The following SNPH variants were observed in gnomAD, a reference collection of about 807,000 sequenced individuals.
SNPH encodes the protein syntaphilin.
SNPH carries 10 observed loss-of-function variants against 36.8 expected under a neutral mutation model. That is an observed-to-expected ratio of 0.27 (90% CI 0.17 to 0.46). The LOEUF (loss-of-function observed/expected upper bound fraction) is 0.46. Among genes scored for constraint, SNPH ranks in the 20% least tolerant of loss-of-function variants. The pLI, the probability that SNPH is intolerant of heterozygous loss-of-function variation, is 1.00. For missense variants in SNPH, 622 were observed against 744.0 expected (o/e 0.84, Z 1.91); for synonymous variants, 281 against 312.2 (o/e 0.90, Z 1.05).
chr20:1,290,040 A>G (rs1047265936), intron 2 of SNPH, among the ~76,000 whole-genome samples: 1 of 151,938 alleles, frequency 6.6e-6, no homozygotes, highest in Non-Finnish European at 1.5e-5. Context: ...GAGAAACCCC[A>G]TCTCTACTAA....
intron 6 of SNPH, among the ~76,000 whole-genome samples, chr20:1,301,405 G>C (rs1490316085): frequency 6.6e-6 from 1 of 152,166 alleles, no homozygotes; most frequent in Admixed American, 6.5e-5. Context: ...TCTCGGGACT[G>C]TGTCTATGCA....
chr20:1,300,840 T>G, intron 6 of SNPH, 129 bp downstream of exon 6: 1 of 939,928 alleles, frequency 1.1e-6, no homozygotes. Context: ...TGCTCTCTCC[T>G]TCCCAGCAAA....
intron 5 of SNPH, 51 bp downstream of exon 5, chr20:1,297,303 G>T: frequency 1.3e-6 from 2 of 1,567,098 alleles, no homozygotes; most frequent in Non-Finnish European, 8.7e-7. Flanking sequence ...GGAACAGGTT[G>T]TCCTGGGGTG....
At chr20:1,272,076 C>A (rs1053665016) in intron 2 of SNPH, among the ~76,000 whole-genome samples, 5 of 152,168 alleles carry the variant, frequency 3.3e-5, no homozygotes, top group African/African-American at 1.2e-4. Flanking sequence ...AGTAAGAAGG[C>A]CATGTTATCA....
Position 1,308,012 on chromosome 20 carries a change from C to T in SNPH, c.*1958C>T, listed in dbSNP as rs549868460. The T allele has an allele frequency of 6.5e-6, 1 of 152,794 alleles. No homozygotes were observed. Among genetic ancestry groups the T allele is most frequent in the South Asian group, 2.1e-4 (1 of 4,830 alleles). The allele number at this position is 152,794 out of a possible 1,614,324, so 9.5% of individuals were successfully genotyped here. On this transcript the variant is annotated 3_prime_UTR_variant, in exon 7 of 7. Transcript: ENST00000381867. ...TCCTCAGACATAGTCAAAGCTTTGC[C>T]GAGAAAAGAAATGTATGAACTATAT...
intron 2 of SNPH, among the ~76,000 whole-genome samples, chr20:1,281,965 G>A (rs2088230247): frequency 6.6e-6 from 1 of 152,254 alleles, no homozygotes; most frequent in Non-Finnish European, 1.5e-5. Context: ...GGCAGAGGGT[G>A]GAGGGTGGAG....
rs2088539789 is a variant in SNPH at position 1,304,303 on chromosome 20, G to A, written c.441-575G>A. Among the ~76,000 whole-genome samples the A allele has an allele frequency of 6.6e-6, 1 of 151,978 alleles. No individual in the cohort carries two copies. Among genetic ancestry groups the A allele is most frequent in the Admixed American group, 6.6e-5 (1 of 15,256 alleles). The stretch of plus-strand genomic sequence containing the variant: ...ACCACTTCTCATCGCTCTGCATGAG[G>A]GATGATGTAAAATCATCAGCCTCCC... On this transcript the variant is annotated intron_variant, in intron 6 of 6. Coordinates refer to ENST00000381867, the MANE Select transcript of SNPH (RefSeq NM_001318234.2). The surrounding 1 kb of genome is among the most constrained non-coding windows in gnomAD (Gnocchi z 4.3).
Position 1,305,962 on chromosome 20 carries a change from T to C in SNPH, c.1525T>C (p.Cys509Arg). Reference sequence around the variant, plus strand: ...CATCAGCTCCCTGCTGCGGGGCTGCTGCACTGTGGCCTTGCACTCCATCCG... The same window carrying C: ...CATCAGCTCCCTGCTGCGGGGCTGCCGCACTGTGGCCTTGCACTCCATCCG... The part of the protein sequence containing the change: ...YNISSLLRGC[C>R]TVALHSIRRI... Residue 509 changes from cysteine to arginine, a missense_variant, in exon 7 of 7, where the codon TGC becomes CGC. This residue lies in a region of SNPH where 379 missense variants were observed against 427.9 expected (regional missense o/e 0.89). Transcript: ENST00000381867. The C allele has an allele frequency of 6.4e-7, 1 of 1,563,844 alleles. No individual in the cohort carries two copies. The highest frequency in any genetic ancestry group is 8.7e-7 in the Non-Finnish European group (1 of 1,155,150).
rs1396880969 is a variant in SNPH at position 1,307,062 on chromosome 20, GC to G, written c.*1011del. ...CCCCGAGTTTCTCTGGGGCCCTCGG[GC>G]CCAACTTCTGCTTTGCACTATGTTC... On this transcript the variant is annotated 3_prime_UTR_variant, in exon 7 of 7. Transcript: ENST00000381867. 1.3e-5 allele frequency: 2 copies of G among 152,676 alleles called. No individual in the cohort carries two copies. The highest frequency in any genetic ancestry group is 2.9e-5 in the Non-Finnish European group (2 of 68,078). The allele number at this position is 152,676 out of a possible 1,614,324, so 9.5% of individuals were successfully genotyped here. A position where few individuals can be genotyped will look rare whatever the true frequency, so the allele number is the denominator to read the frequency against.
intron 2 of SNPH, among the ~76,000 whole-genome samples, chr20:1,281,462 C>T (rs1381098692): frequency 6.6e-6 from 1 of 152,190 alleles, no homozygotes; most frequent in African/African-American, 2.4e-5. Context: ...TTTCTGTAAG[C>T]TCAAAAGGCT....
intron 2 of SNPH, among the ~76,000 whole-genome samples, chr20:1,271,711 CA>C (rs1274492562): frequency 6.6e-6 from 1 of 152,192 alleles, no homozygotes; most frequent in Non-Finnish European, 1.5e-5. Context: ...AAGGCATGAA[CA>C]AATGCTTTGT....
At chr20:1,298,099 A>G (rs375929202) in intron 5 of SNPH, among the ~76,000 whole-genome samples, 1 of 152,352 alleles carries the variant, frequency 6.6e-6, no homozygotes, top group East Asian at 1.9e-4. Flanking sequence ...CTTCCCCAGC[A>G]TTGAAATACA....
intron 2 of SNPH, among the ~76,000 whole-genome samples, chr20:1,269,831 A>G (rs576924122): frequency 9.8e-5 from 15 of 152,328 alleles, no homozygotes; most frequent in African/African-American, 3.6e-4. Context: ...ACACAGGTTC[A>G]ATAATTTACT....
Position 1,296,067 on chromosome 20 carries a change from T to C in SNPH, c.-173T>C, listed in dbSNP as rs1045884997. ...ACTCTGTCTGGGGCACATTCACTCA[T>C]CTGGAGAACACAGGGTTGGACTGAT... On this transcript the variant is annotated 5_prime_UTR_variant, in exon 4 of 7. Coordinates refer to ENST00000381867, the MANE Select transcript of SNPH (RefSeq NM_001318234.2). 10 of 551,338 alleles carry C rather than the reference T, an allele frequency of 1.8e-5. No individual in the cohort carries two copies. Among genetic ancestry groups the C allele is most frequent in the Middle Eastern group, 4.6e-4 (1 of 2,176 alleles). The allele number at this position is 551,338 out of a possible 1,614,324, so 34.2% of individuals were successfully genotyped here.
chr20:1,284,193 C>T (rs560893750), intron 2 of SNPH, among the ~76,000 whole-genome samples: 1 of 152,264 alleles, frequency 6.6e-6, no homozygotes, highest in South Asian at 2.1e-4. Context: ...GCAGGAGAGA[C>T]AAGCTCACTA....
In SNPH at chr20:1,266,766, G is replaced by T; in HGVS notation, c.-493+6G>T. 1.5e-6 allele frequency: 2 copies of T among 1,356,386 alleles called. No homozygotes were observed. The highest frequency in any genetic ancestry group is 9.5e-7 in the Non-Finnish European group (1 of 1,054,744). 84.0% of individuals were successfully genotyped at this position (1,356,386 alleles called of 1,614,324 possible). A position where few individuals can be genotyped will look rare whatever the true frequency, so the allele number is the denominator to read the frequency against. ...CGGAGGGCCAGTGGACTCAGGTGAGGAGGCCGCGGCGGAGCGGGGAGCTGG... is the reference window on the plus strand; with the variant it reads ...CGGAGGGCCAGTGGACTCAGGTGAGTAGGCCGCGGCGGAGCGGGGAGCTGG... On this transcript the variant is annotated splice_donor_region_variant and intron_variant, in intron 2 of 6. Transcript: ENST00000381867. The surrounding 1 kb of genome is among the most constrained non-coding windows in gnomAD (Gnocchi z 6.0).
chr20:1,273,346 T>C (rs962990018), intron 2 of SNPH, among the ~76,000 whole-genome samples: 2 of 152,228 alleles, frequency 1.3e-5, no homozygotes, highest in Non-Finnish European at 2.9e-5. Context: ...ACAGTTCACA[T>C]TTTTTGTGGC....
At chr20:1,273,607 TGTC>T (rs1349363871) in intron 2 of SNPH, among the ~76,000 whole-genome samples, 1 of 152,132 alleles carries the variant, frequency 6.6e-6, no homozygotes, top group East Asian at 1.9e-4. Context: ...TTTGACTGTG[TGTC>T]TTCTGAGTAT....
intron 2 of SNPH, among the ~76,000 whole-genome samples, chr20:1,272,248 T>C (rs1288085383): frequency 6.6e-6 from 1 of 152,216 alleles, no homozygotes; most frequent in Non-Finnish European, 1.5e-5. Context: ...TTTTTTTCCC[T>C]CAGAGCTTCT....
Sources: allele counts gnomAD v4.1 joint callset (sites outside exome capture counted in the v4.1 genomes callset), GRCh38; gene constraint gnomAD v4.1.1; regional missense constraint gnomAD v4.1.1; non-coding constraint Gnocchi (gnomAD v3.1); transcripts MANE v1.5; gene names NCBI Gene and HGNC (gene_info 2026-07-23, HGNC 2026-07-21).